SLC51A: variants seen among roughly 807,000 people sequenced by gnomAD.
SLC51A encodes the protein solute carrier family 51 member A.
In SLC51A, 22 loss-of-function variants were observed where a neutral mutation model predicts 34.8. The observed-to-expected ratio is 0.63, with a 90% CI of 0.45 to 0.90. SLC51A has a LOEUF of 0.90. Among genes scored for constraint, SLC51A ranks in the 40% least tolerant of loss-of-function variants. The pLI, the probability that SLC51A is intolerant of heterozygous loss-of-function variation, is 0.00. For synonymous variants in SLC51A, 181 were observed against 176.3 expected (o/e 1.03, Z -0.21); for missense variants, 371 against 414.8 (o/e 0.89, Z 0.92).
Position 196,228,908 on chromosome 3 carries a change from T to A in SLC51A, c.621T>A (p.Tyr207Ter). The A allele has an allele frequency of 6.2e-7, 1 of 1,613,858 alleles. No individual in the cohort carries two copies. Among genetic ancestry groups the A allele is most frequent in the Non-Finnish European group, 8.5e-7 (1 of 1,179,728 alleles). ...TGTTTCTCGTCCCCGACGGCATCTA[T>A]GACCCAGCAGACGTAAGCCGGGAGT... is the stretch of plus-strand genomic sequence containing the variant. ...VGLFLVPDGI[Y>*]DPADISEGST... The change falls in exon 6 of 9, where the codon TAT becomes TAA. Residue 207 changes from tyrosine (Y) to a stop codon, truncating the protein, a stop_gained. Transcript: ENST00000296327. LOFTEE classifies it high-confidence loss of function. The surrounding 1 kb of genome is among the most constrained non-coding windows in gnomAD (Gnocchi z 4.9).
In SLC51A at chr3:196,228,006, A is replaced by G. The variant is rs376153147; in HGVS notation, c.363-109A>G. On this transcript the variant is annotated intron_variant, in intron 4 of 8. Coordinates refer to ENST00000296327, the MANE Select transcript of SLC51A (RefSeq NM_152672.6). The surrounding 1 kb of genome is among the most constrained non-coding windows in gnomAD (Gnocchi z 4.9). Reference sequence around the variant, plus strand: ...CTCTCCCTCGCCCCTCTTGGGTCACACACCCAGAACGCCCAGCCCTAGCTC... The same window carrying G: ...CTCTCCCTCGCCCCTCTTGGGTCACGCACCCAGAACGCCCAGCCCTAGCTC... 7.2e-5 allele frequency: 104 copies of G among 1,443,560 alleles called. 1 individual carries two copies. In the African/African-American group the frequency reaches 1.3e-3, roughly 18 times the overall value. 89.4% of individuals were successfully genotyped at this position (1,443,560 alleles called of 1,614,324 possible). A position where few individuals can be genotyped will look rare whatever the true frequency, so the allele number is the denominator to read the frequency against.
chr3:196,228,115 G>A lies in SLC51A; in HGVS notation c.363G>A (p.Ser121=). ...SLVLVEMTIT[S]FYAVCFYLLM... ...AGGCCCTCTTCTCTCCCCACCCCAG[G>A]TTTTATGCCGTGTGCTTTTACCTGC... The change falls in exon 5 of 9, where the codon TCG becomes TCA. Residue 121 remains serine (S), a splice_region_variant and synonymous_variant. Transcript: ENST00000296327. This position sits in a 1 kb window ranked among gnomAD's most constrained non-coding sequence, Gnocchi z 4.9. 6.2e-7 allele frequency: 1 copy of A among 1,613,210 alleles called. No homozygotes were observed. The highest frequency in any genetic ancestry group is 8.5e-7 in the Non-Finnish European group (1 of 1,179,512).
In SLC51A at chr3:196,229,989, G is replaced by A; in HGVS notation, c.708G>A (p.Leu236=). ...CCACACTGCTGGCTCTCTGGACCCT[G>A]GGCATCATTTCCCGTCAAGCCAGGC... ...GVSTLLALWT[L]GIISRQARLH... Residue 236 remains leucine (L), a synonymous_variant, in exon 7 of 9, where the codon CTG becomes CTA. Coordinates refer to ENST00000296327, the MANE Select transcript of SLC51A (RefSeq NM_152672.6). 2 of 1,613,974 alleles carry A rather than the reference G, an allele frequency of 1.2e-6. No individual in the cohort carries two copies. The highest frequency in any genetic ancestry group is 1.7e-4 in the Middle Eastern group (1 of 6,060).
At position 196,233,326 on chromosome 3, in the gene SLC51A, C is replaced by A; in HGVS notation, c.*127C>A. ...AACACAAGCTGGCAGATACATTTGA[C>A]TCTACAGATGAAGGTGAACAATGTT... On this transcript the variant is annotated 3_prime_UTR_variant, in exon 9 of 9. Coordinates refer to ENST00000296327, the MANE Select transcript of SLC51A (RefSeq NM_152672.6). The A allele has an allele frequency of 1.9e-6, 2 of 1,057,426 alleles. No individual in the cohort carries two copies. The highest frequency in any genetic ancestry group is 1.6e-5 in the African/African-American group (1 of 62,952). The allele number at this position is 1,057,426 out of a possible 1,614,324, so 65.5% of individuals were successfully genotyped here.
intron 2 of SLC51A, among the ~76,000 whole-genome samples, chr3:196,226,259 T>C (rs1723890121): frequency 6.6e-6 from 1 of 151,988 alleles, no homozygotes; most frequent in African/African-American, 2.4e-5. Flanking sequence ...AAGGTCAAGG[T>C]TGCAGTGAGC....
At chr3:196,218,575 A>T (rs1723656645) in intron 2 of SLC51A, among the ~76,000 whole-genome samples, 1 of 152,220 alleles carries the variant, frequency 6.6e-6, no homozygotes, top group Non-Finnish European at 1.5e-5. Flanking sequence ...ATAATAAGTC[A>T]TAATTGTCCA....
chr3:196,229,863 G>GTGAA (rs1723990463), intron 6 of SLC51A, 52 bp from the exon 7 acceptor site: 1 of 1,545,602 alleles, frequency 6.5e-7, no homozygotes, highest in Admixed American at 1.9e-5. Flanking sequence ...GAAAGAGAGA[G>GTGAA]AGAGAGAGAG....
chr3:196,229,689 TAA>T (rs77390915), intron 6 of SLC51A, among the ~76,000 whole-genome samples: 13 of 135,566 alleles, frequency 9.6e-5, no homozygotes, highest in Non-Finnish European at 1.3e-4. Flanking sequence ...TCTCTATTAT[TAA>T]AAAAAAAAAA....
chr3:196,226,932 C>A, intron 2 of SLC51A, 33 bp from the exon 3 acceptor site: 1 of 1,586,838 alleles, frequency 6.3e-7, no homozygotes, highest in Non-Finnish European at 8.6e-7. Context: ...CGCTCAGTCC[C>A]GGTCGTCAGC....
Position 196,229,855 on chromosome 3 carries a change from A to AAG in SLC51A, c.634-39_634-38dup, listed in dbSNP as rs144375332. 7.4e-3 allele frequency: 9,792 copies of AAG among 1,327,744 alleles called. 3 individuals carry two copies. The highest frequency in any genetic ancestry group is 0.012 in the African/African-American group (775 of 66,554). 82.2% of individuals were successfully genotyped at this position (1,327,744 alleles called of 1,614,324 possible). Reference sequence around the variant, plus strand: ...GTGACAGAGTGACACCATCTCTTGAAAGAGAGAGAGAGAGAGAGAGAGCTT... The same window carrying AAG: ...GTGACAGAGTGACACCATCTCTTGAAAGAGAGAGAGAGAGAGAGAGAGAGCTT... On this transcript the variant is annotated intron_variant, in intron 6 of 8. Coordinates refer to ENST00000296327, the MANE Select transcript of SLC51A (RefSeq NM_152672.6).
chr3:196,227,220 C>A, intron 3 of SLC51A, 101 bp downstream of exon 3: 1 of 908,298 alleles, frequency 1.1e-6, no homozygotes, highest in Non-Finnish European at 1.6e-6. Context: ...CAAAGAGTGT[C>A]CTGCCACGAC....
intron 7 of SLC51A, among the ~76,000 whole-genome samples, chr3:196,231,274 C>A (rs1724023437): frequency 1.3e-5 from 2 of 152,214 alleles, no homozygotes; most frequent in Non-Finnish European, 2.9e-5. Flanking sequence ...CCTTACCCTG[C>A]CCTTCATCTT....
chr3:196,228,045 G>T lies in SLC51A; in HGVS notation c.363-70G>T. 1 of 1,564,032 alleles carries T rather than the reference G, an allele frequency of 6.4e-7. No individual in the cohort carries two copies. Among genetic ancestry groups the T allele is most frequent in the Non-Finnish European group, 8.7e-7 (1 of 1,151,468 alleles). On this transcript the variant is annotated intron_variant, in intron 4 of 8. Coordinates refer to ENST00000296327, the MANE Select transcript of SLC51A (RefSeq NM_152672.6). The surrounding 1 kb of genome is among the most constrained non-coding windows in gnomAD (Gnocchi z 4.9). ...CAGCCCTAGCTCTGCTCCTCAGTAA[G>T]CCCCACCTCTCCCTGCTGTCTTTCT...
intron 7 of SLC51A, among the ~76,000 whole-genome samples, chr3:196,231,678 C>T (rs2108757517): frequency 6.6e-6 from 1 of 152,230 alleles, no homozygotes; most frequent in East Asian, 1.9e-4. Flanking sequence ...GTGTGATGGC[C>T]GAGCCTGCCC....
chr3:196,228,007 C>T lies in SLC51A; in HGVS notation c.363-108C>T. 1.4e-6 allele frequency: 2 copies of T among 1,452,192 alleles called. No homozygotes were observed. Among genetic ancestry groups the T allele is most frequent in the Non-Finnish European group, 9.4e-7 (1 of 1,067,134 alleles). 90.0% of individuals were successfully genotyped at this position (1,452,192 alleles called of 1,614,324 possible). ...TCTCCCTCGCCCCTCTTGGGTCACA[C>T]ACCCAGAACGCCCAGCCCTAGCTCT... On this transcript the variant is annotated intron_variant, in intron 4 of 8. Transcript: ENST00000296327. This position sits in a 1 kb window ranked among gnomAD's most constrained non-coding sequence, Gnocchi z 4.9.
intron 7 of SLC51A, among the ~76,000 whole-genome samples, chr3:196,232,106 C>T (rs1324105891): frequency 6.6e-6 from 1 of 152,224 alleles, no homozygotes; most frequent in Non-Finnish European, 1.5e-5. Context: ...AATCACCCAT[C>T]TCTTTATCCA....
At chr3:196,223,788 AATC>A (rs1723826545) in intron 2 of SLC51A, 1 of 394,616 alleles carries the variant, frequency 2.5e-6, no homozygotes, top group Non-Finnish European at 4.9e-6. Flanking sequence ...AAGAGAAAAA[AATC>A]ATCTACAGTC....
chr3:196,222,294 A>T lies in SLC51A; in HGVS notation c.133+4358A>T, dbSNP rs565448726. ...AGACAAGCATTTCCCAAAGTCTCAG[A>T]CTCTTAATCCCAAGGAGTCCTTCAT... is the stretch of plus-strand genomic sequence containing the variant. On this transcript the variant is annotated intron_variant, in intron 2 of 8. Transcript: ENST00000296327. Among the ~76,000 whole-genome samples, 12 of 152,288 alleles carry T rather than the reference A, an allele frequency of 7.9e-5. No homozygotes were observed. In the South Asian group the frequency reaches 2.5e-3, roughly 32 times the overall value.
chr3:196,220,592 G>A (rs146425508), intron 2 of SLC51A, among the ~76,000 whole-genome samples: 9 of 152,228 alleles, frequency 5.9e-5, no homozygotes, highest in East Asian at 3.9e-4. Context: ...ACAAGACTCC[G>A]TCTCAACAAC....
Sources: allele counts gnomAD v4.1 joint callset (sites outside exome capture counted in the v4.1 genomes callset), GRCh38; gene constraint gnomAD v4.1.1; non-coding constraint Gnocchi (gnomAD v3.1); transcripts MANE v1.5; gene names NCBI Gene and HGNC (gene_info 2026-07-23, HGNC 2026-07-21).